ADAMTS19: variants seen among roughly 807,000 people sequenced by gnomAD.
The protein encoded by ADAMTS19 is ADAM metallopeptidase with thrombospondin type 1 motif 19, also known as A disintegrin and metalloproteinase with thrombospondin motifs 19.
In ADAMTS19, 93 loss-of-function variants were observed where a neutral mutation model predicts 153.3. The ratio of observed to expected loss-of-function variants is 0.61; its 90% CI spans 0.51 to 0.72. The LOEUF is 0.72. ADAMTS19 is among the 30% of genes least tolerant of loss of function. ADAMTS19 has a pLI of 0.00. For synonymous variants in ADAMTS19, 600 were observed against 556.6 expected, an observed-to-expected ratio of 1.08 and a Z score of -1.10; for missense variants, 1,482 against 1,552.1, an observed-to-expected ratio of 0.95 and a Z score of 0.76.
At chr5:129,671,335 T>C (rs1156687347) in intron 16 of ADAMTS19, among the ~76,000 whole-genome samples, 1 of 152,082 alleles carries the variant, frequency 6.6e-6, no homozygotes, top group African/African-American at 2.4e-5. Flanking sequence ...AGGTTTCTGG[T>C]AAGTAATAGT....
At chr5:129,533,342 C>T (rs1252209033) in intron 6 of ADAMTS19, among the ~76,000 whole-genome samples, 1 of 152,128 alleles carries the variant, frequency 6.6e-6, no homozygotes, top group Non-Finnish European at 1.5e-5. Context: ...CCAATCTTCT[C>T]ATTTAACTTG....
intron 16 of ADAMTS19, among the ~76,000 whole-genome samples, chr5:129,667,447 T>G (rs1170816455): frequency 6.6e-6 from 1 of 152,168 alleles, no homozygotes; most frequent in African/African-American, 2.4e-5. Flanking sequence ...ATTCTGATCC[T>G]CAATACTGGA....
chr5:129,606,674 G>C (rs1750910863), intron 8 of ADAMTS19, among the ~76,000 whole-genome samples: 1 of 152,114 alleles, frequency 6.6e-6, no homozygotes, highest in Non-Finnish European at 1.5e-5. Context: ...GACTTCTATA[G>C]AGTGACTCTA....
At chr5:129,659,074 T>C (rs948543062) in intron 15 of ADAMTS19, among the ~76,000 whole-genome samples, 2 of 152,228 alleles carry the variant, frequency 1.3e-5, no homozygotes. Flanking sequence ...TAATGATTTG[T>C]AACAGCCTAA....
chr5:129,546,407 G>A (rs1372691734), intron 6 of ADAMTS19, among the ~76,000 whole-genome samples: 1 of 150,452 alleles, frequency 6.6e-6, no homozygotes, highest in African/African-American at 2.5e-5. Flanking sequence ...AAAAAAAAGA[G>A]AAGATAAATA....
chr5:129,598,338 C>T (rs1750481154), intron 8 of ADAMTS19, among the ~76,000 whole-genome samples: 1 of 152,082 alleles, frequency 6.6e-6, no homozygotes. Flanking sequence ...TCATTATATT[C>T]CTGGAGTCTG....
intron 13 of ADAMTS19, among the ~76,000 whole-genome samples, chr5:129,652,090 A>C (rs1019705451): frequency 6.6e-6 from 1 of 152,222 alleles, no homozygotes; most frequent in Non-Finnish European, 1.5e-5. Context: ...AGAAATCACA[A>C]TTAAAGGAAC....
intron 7 of ADAMTS19, among the ~76,000 whole-genome samples, chr5:129,575,326 G>A (rs1240492114): frequency 1.3e-5 from 2 of 151,930 alleles, no homozygotes; most frequent in African/African-American, 4.8e-5. Context: ...TTTTTTAATT[G>A]TCCCTATTTA....
intron 7 of ADAMTS19, among the ~76,000 whole-genome samples, chr5:129,559,293 A>C (rs890235513): frequency 2.0e-5 from 3 of 152,074 alleles, no homozygotes; most frequent in African/African-American, 7.2e-5. Flanking sequence ...CAACTTTTCT[A>C]AATCAGTAAG....
chr5:129,718,178 T>C (rs1223556286), intron 21 of ADAMTS19, among the ~76,000 whole-genome samples: 1 of 152,182 alleles, frequency 6.6e-6, no homozygotes, highest in Non-Finnish European at 1.5e-5. Context: ...TACACTTTGA[T>C]TTAAAACACA....
intron 18 of ADAMTS19, among the ~76,000 whole-genome samples, chr5:129,684,794 T>C (rs1456383600): frequency 1.3e-5 from 2 of 151,958 alleles, no homozygotes; most frequent in Non-Finnish European, 2.9e-5. Flanking sequence ...AAGACCATTC[T>C]GGCTAACACG....
intron 2 of ADAMTS19, among the ~76,000 whole-genome samples, chr5:129,490,647 TAA>T (rs1750733014): frequency 1.3e-5 from 2 of 152,086 alleles, no homozygotes; most frequent in African/African-American, 4.8e-5. Context: ...CAAAGGAAAG[TAA>T]AGTCTAGGTA....
intron 7 of ADAMTS19, among the ~76,000 whole-genome samples, chr5:129,572,659 A>C (rs552062606): frequency 6.6e-6 from 1 of 152,114 alleles, no homozygotes; most frequent in Non-Finnish European, 1.5e-5. Context: ...GAGGGAAAGA[A>C]GATAGTCTCA....
chr5:129,495,529 G>A (rs1750899727), intron 2 of ADAMTS19, among the ~76,000 whole-genome samples: 1 of 152,052 alleles, frequency 6.6e-6, no homozygotes, highest in Non-Finnish European at 1.5e-5. Flanking sequence ...GTTATGGTGA[G>A]GAAGCATTCT....
At chr5:129,617,686 T>C (rs1485023924) in intron 8 of ADAMTS19, among the ~76,000 whole-genome samples, 2 of 152,022 alleles carry the variant, frequency 1.3e-5, no homozygotes, top group Non-Finnish European at 2.9e-5. Flanking sequence ...TGGGCTGCAT[T>C]TGAACCACAC....
chr5:129,621,259 A>G (rs1751764790), intron 9 of ADAMTS19, among the ~76,000 whole-genome samples: 1 of 152,208 alleles, frequency 6.6e-6, no homozygotes, highest in African/African-American at 2.4e-5. Context: ...TTCGAAAAGT[A>G]AATGAAAAAT....
intron 11 of ADAMTS19, 71 bp downstream of exon 11, chr5:129,642,031 C>A: frequency 2.3e-6 from 2 of 880,232 alleles, no homozygotes; most frequent in Non-Finnish European, 3.5e-6. Flanking sequence ...ATTTTCTCTG[C>A]CAGTTACATT....
intron 21 of ADAMTS19, among the ~76,000 whole-genome samples, chr5:129,729,974 T>A (rs1757367790): frequency 6.6e-6 from 1 of 152,106 alleles, no homozygotes; most frequent in African/African-American, 2.4e-5. Flanking sequence ...GTTATTCTTT[T>A]GGTTTCTCAA....
chr5:129,658,852 G>A, intron 15 of ADAMTS19, 115 bp downstream of exon 15: 2 of 1,134,430 alleles, frequency 1.8e-6, no homozygotes, highest in Non-Finnish European at 2.4e-6. Context: ...ACTTGCAATG[G>A]GTATTAAATT....
Sources: gnomAD v4.1 joint callset for allele counts (sites outside exome capture counted in the v4.1 genomes callset) on GRCh38, gnomAD v4.1.1 for gene constraint, MANE v1.5 for transcripts, NCBI Gene and HGNC (gene_info 2026-07-23, HGNC 2026-07-21) for gene names.